The following KIRREL3 variants were observed in gnomAD, a reference collection of about 807,000 sequenced individuals.
KIRREL3 encodes kin of IRRE-like protein 3.
In KIRREL3, 36 loss-of-function variants were observed where a neutral mutation model predicts 89.7. The observed-to-expected ratio is 0.40, with a 90% CI of 0.31 to 0.53. The LOEUF (loss-of-function observed/expected upper bound fraction) is 0.53, where lower values mean the gene tolerates loss of function less well. Ranked by LOEUF, KIRREL3 falls within the 20% of genes least tolerant of loss-of-function variation. The probability of loss-of-function intolerance (pLI) is 0.49; values close to 1 mark genes in which losing one functional copy is unlikely to be tolerated. For missense variants in KIRREL3, 864 were observed against 1,056.6 expected, an observed-to-expected ratio of 0.82 and a Z score of 2.53; for synonymous variants, 445 against 441.4, an observed-to-expected ratio of 1.01 and a Z score of -0.10.
intron 1 of KIRREL3, chr11:126,944,470 G>C (rs1255041116): frequency 6.6e-6 from 1 of 152,330 alleles, no homozygotes; most frequent in Non-Finnish European, 1.5e-5. Context: ...GCAGGAAGGT[G>C]AGAGGATGAA....
intron 1 of KIRREL3, among the ~76,000 whole-genome samples, chr11:126,857,744 A>C (rs1436729418): frequency 1.6e-5 from 2 of 122,492 alleles, no homozygotes; most frequent in African/African-American, 6.3e-5. Flanking sequence ...ATTCCAAAGG[A>C]ATCAGCCAAT....
intron 1 of KIRREL3, among the ~76,000 whole-genome samples, chr11:126,847,622 A>G (rs1479636650): frequency 2.0e-5 from 3 of 152,172 alleles, no homozygotes; most frequent in African/African-American, 7.2e-5. Flanking sequence ...AGTTAACTGC[A>G]TGGACTAAAC....
chr11:126,674,295 G>T (rs1291982702), intron 1 of KIRREL3, among the ~76,000 whole-genome samples: 1 of 152,208 alleles, frequency 6.6e-6, no homozygotes, highest in Non-Finnish European at 1.5e-5. Context: ...AGGCATACTA[G>T]GTGATCTCCA....
chr11:126,963,095 C>G (rs541926452), intron 1 of KIRREL3, among the ~76,000 whole-genome samples: 2 of 152,094 alleles, frequency 1.3e-5, no homozygotes, highest in African/African-American at 4.8e-5. Flanking sequence ...AATCTGGAAC[C>G]AAACTTGCAA....
intron 1 of KIRREL3, among the ~76,000 whole-genome samples, chr11:126,972,219 A>C (rs1949446050): frequency 6.9e-6 from 1 of 145,640 alleles, no homozygotes; most frequent in African/African-American, 2.5e-5. Flanking sequence ...GTGCATACAC[A>C]TTTCCACACA....
chr11:126,529,740 T>C (rs1958886133), intron 2 of KIRREL3, among the ~76,000 whole-genome samples: 1 of 152,044 alleles, frequency 6.6e-6, no homozygotes, highest in African/African-American at 2.4e-5. Context: ...ATTTACAAAT[T>C]ATTATTTTTG....
rs572197157 is a variant in KIRREL3 at position 126,744,837 on chromosome 11, C to T, written c.56-181925G>A. On this transcript the variant is annotated intron_variant, in intron 1 of 16. Coordinates refer to ENST00000525144, the MANE Select transcript of KIRREL3 (RefSeq NM_032531.4). This position sits in a 1 kb window ranked among gnomAD's most constrained non-coding sequence, Gnocchi z 4.7. The stretch of plus-strand genomic sequence containing the variant: ...GTATTTGCCCTGTTGCCTGCTCTGT[C>T]CCTGACACAATAAATTGTGTCTGCC... 7.3e-5 allele frequency among the ~76,000 whole-genome samples: 11 copies of T among 150,574 alleles called. No homozygotes were observed. The South Asian group carries it at 2.1e-3, about 29-fold the overall frequency.
chr11:126,892,584 CTGTGCACGTGTGTGTGCA>C lies in KIRREL3; in HGVS notation c.55+107853_55+107870del, dbSNP rs927509383. ...GCACAGCTAGAAGTAAGGCCTGGCT[CTGTGCACGTGTGTGTGCA>C]TGTGCACGTGTGTATGTATTATGTG... On this transcript the variant is annotated intron_variant, in intron 1 of 16. Coordinates refer to ENST00000525144, the MANE Select transcript of KIRREL3 (RefSeq NM_032531.4). This position sits in a 1 kb window ranked among gnomAD's most constrained non-coding sequence, Gnocchi z 5.4. Among the ~76,000 whole-genome samples, 4 of 152,148 alleles carry C rather than the reference CTGTGCACGTGTGTGTGCA, an allele frequency of 2.6e-5. No individual in the cohort carries two copies. Among genetic ancestry groups the C allele is most frequent in the African/African-American group, 7.2e-5 (3 of 41,428 alleles).
chr11:126,436,409 C>T lies in KIRREL3; in HGVS notation c.1552+402G>A, dbSNP rs113511334. On this transcript the variant is annotated intron_variant, in intron 12 of 16. Transcript: ENST00000525144. ...AGCACACCCATGCCAGTGTATCCCA[C>T]GCTCCACCCAGGCATGACACTTTGG... Among the ~76,000 whole-genome samples the T allele has an allele frequency of 2.2e-3, 333 of 152,354 alleles. 2 individuals are homozygous for T. The highest frequency in any genetic ancestry group is 3.5e-3 in the Non-Finnish European group (237 of 68,034).
chr11:126,848,154 G>C (rs1944211253), intron 1 of KIRREL3, among the ~76,000 whole-genome samples: 1 of 152,126 alleles, frequency 6.6e-6, no homozygotes, highest in Non-Finnish European at 1.5e-5. Flanking sequence ...CAACTCATAG[G>C]TATTTGAGGG....
intron 1 of KIRREL3, among the ~76,000 whole-genome samples, chr11:126,777,881 T>A (rs1950213852): frequency 6.6e-6 from 1 of 152,174 alleles, no homozygotes; most frequent in South Asian, 2.1e-4. Flanking sequence ...GTTGTATACC[T>A]GGTACCTTCC....
At chr11:126,456,538 G>T in intron 6 of KIRREL3, 84 bp from the exon 7 acceptor site, 1 of 907,536 alleles carries the variant, frequency 1.1e-6, no homozygotes, top group East Asian at 2.6e-5. Flanking sequence ...TACAGCCAGA[G>T]ACTCCACCAC....
rs971423321 is a variant in KIRREL3, at chr11:126,995,103, G to A, written c.55+5352C>T. 66 of 434,438 alleles carry A rather than the reference G, an allele frequency of 1.5e-4. No homozygotes were observed. The Middle Eastern group carries it at 1.9e-3, about 13-fold the overall frequency. 26.9% of individuals were successfully genotyped at this position (434,438 alleles called of 1,614,324 possible). A position where few individuals can be genotyped will look rare whatever the true frequency, so the allele number is the denominator to read the frequency against. ...AGGATGAAGCGATTACAACCTGGGC[G>A]CAGTATACTGGCTGGCTTTGCTGCT... On this transcript the variant is annotated intron_variant, in intron 1 of 16. Coordinates refer to ENST00000525144, the MANE Select transcript of KIRREL3 (RefSeq NM_032531.4). This position sits in a 1 kb window ranked among gnomAD's most constrained non-coding sequence, Gnocchi z 6.5.
intron 1 of KIRREL3, among the ~76,000 whole-genome samples, chr11:126,871,700 G>C (rs1236827026): frequency 6.6e-6 from 1 of 152,192 alleles, no homozygotes; most frequent in Non-Finnish European, 1.5e-5. Context: ...ATTTGTTTGA[G>C]CATCTTCATG....
chr11:126,485,207 G>T lies in KIRREL3; in HGVS notation c.434-11741C>A, dbSNP rs1361042494. 6.6e-6 allele frequency among the ~76,000 whole-genome samples: 1 copy of T among 152,208 alleles called. No homozygotes were observed. Among genetic ancestry groups the T allele is most frequent in the African/African-American group, 2.4e-5 (1 of 41,452 alleles). On this transcript the variant is annotated intron_variant, in intron 4 of 16. Transcript: ENST00000525144. The surrounding 1 kb of genome is among the most constrained non-coding windows in gnomAD (Gnocchi z 5.8). The stretch of plus-strand genomic sequence containing the variant: ...TCTCCAAGGAGGTTGGGGACAGAGA[G>T]AAAAGAGGAACAAGGAGCAAGACGC...
rs1357619032 is a variant in KIRREL3, at chr11:126,566,403, G to A, written c.56-3491C>T. 2.0e-5 allele frequency among the ~76,000 whole-genome samples: 3 copies of A among 152,206 alleles called. No homozygotes were observed. The highest frequency in any genetic ancestry group is 2.9e-5 in the Non-Finnish European group (2 of 68,046). On this transcript the variant is annotated intron_variant, in intron 1 of 16. Transcript: ENST00000525144. This position sits in a 1 kb window ranked among gnomAD's most constrained non-coding sequence, Gnocchi z 4.9. ...CTGTGCCTTCTCCTGCTCTGAGCCC[G>A]TAGGACCAAGCACAGTGCCTGACAC...
chr11:126,845,395 T>C (rs945573057), intron 1 of KIRREL3, among the ~76,000 whole-genome samples: 3 of 152,158 alleles, frequency 2.0e-5, no homozygotes, highest in East Asian at 1.9e-4. Context: ...GTTTATCTCC[T>C]CTGTTCAAAG....
At position 126,953,489 on chromosome 11, in the gene KIRREL3, A is replaced by G. The variant is rs1948828433; in HGVS notation, c.55+46966T>C. The stretch of plus-strand genomic sequence containing the variant: ...AGAACTTAAAGTATATATATAAAAA[A>G]GAATAACTAGAGTTTTGTTCATCTT... On this transcript the variant is annotated intron_variant, in intron 1 of 16. Transcript: ENST00000525144. This position sits in a 1 kb window ranked among gnomAD's most constrained non-coding sequence, Gnocchi z 5.2. Among the ~76,000 whole-genome samples, 1 of 152,172 alleles carries G rather than the reference A, an allele frequency of 6.6e-6. No individual in the cohort carries two copies. Among genetic ancestry groups the G allele is most frequent in the Non-Finnish European group, 1.5e-5 (1 of 68,046 alleles).
chr11:126,732,169 C>T (rs1339177361), intron 1 of KIRREL3, among the ~76,000 whole-genome samples: 1 of 152,210 alleles, frequency 6.6e-6, no homozygotes, highest in Non-Finnish European at 1.5e-5. Context: ...GAATGGCAAT[C>T]TGAGCCAGAG....
Sources: allele counts gnomAD v4.1 joint callset (sites outside exome capture counted in the v4.1 genomes callset), GRCh38; gene constraint gnomAD v4.1.1; non-coding constraint Gnocchi (gnomAD v3.1); transcripts MANE v1.5; gene names NCBI Gene and HGNC (gene_info 2026-07-23, HGNC 2026-07-21).